The following G3BP1 variants were observed in gnomAD, a reference collection of about 807,000 sequenced individuals.
The protein encoded by G3BP1 is G3BP stress granule assembly factor 1.
In G3BP1, 35 loss-of-function variants were observed where a neutral mutation model predicts 58.6. The ratio of observed to expected loss-of-function variants is 0.60; its 90% CI spans 0.46 to 0.79. The LOEUF is 0.79. G3BP1 is among the 30% of genes least tolerant of loss of function. G3BP1 has a pLI of 0.00. For synonymous variants in G3BP1, 191 were observed against 195.4 expected (o/e 0.98, Z 0.19); for missense variants, 523 against 580.8 (o/e 0.90, Z 1.02).
intron 1 of G3BP1, among the ~76,000 whole-genome samples, chr5:151,779,139 T>G (rs1762424894): frequency 6.6e-6 from 1 of 150,636 alleles, no homozygotes; most frequent in Non-Finnish European, 1.5e-5. Context: ...CTTTTCATTC[T>G]TTTGATGGTG....
chr5:151,772,402 C>T (rs896735225), intron 1 of G3BP1: 1 of 152,322 alleles, frequency 6.6e-6, no homozygotes, highest in African/African-American at 2.4e-5. Context: ...GCCCGCGGCA[C>T]CTTTTCCTCC....
chr5:151,791,295 C>T (rs1244629599), intron 4 of G3BP1: 1 of 378,272 alleles, frequency 2.6e-6, no homozygotes, highest in Non-Finnish European at 4.9e-6. Flanking sequence ...TAATTCTCTT[C>T]CATTCTGTAG....
In G3BP1 at chr5:151,804,440, A is replaced by G. The variant is rs1236533242; in HGVS notation, c.*349A>G. ...CAAAGGAATGTCTTGCATATTACTG[A>G]CATTTGGTATGTTTCATTCATTGGA... On this transcript the variant is annotated 3_prime_UTR_variant, in exon 12 of 12. Transcript: ENST00000356245. 2 of 185,624 alleles carry G rather than the reference A, an allele frequency of 1.1e-5. No homozygotes were observed. The highest frequency in any genetic ancestry group is 2.2e-5 in the Non-Finnish European group (2 of 91,560). The allele number at this position is 185,624 out of a possible 1,614,324, so 11.5% of individuals were successfully genotyped here.
intron 7 of G3BP1, among the ~76,000 whole-genome samples, chr5:151,798,584 A>T (rs565890134): frequency 6.6e-6 from 1 of 152,226 alleles, no homozygotes; most frequent in Non-Finnish European, 1.5e-5. Context: ...TGTTTGTACA[A>T]TGGATTGGAT....
Position 151,790,395 on chromosome 5 carries a change from CGGACAGAAAGTA to C in G3BP1, c.169_177+3del, listed in dbSNP as rs1762630658. The C allele has an allele frequency of 6.4e-7, 1 of 1,570,002 alleles. No individual in the cohort carries two copies. The highest frequency in any genetic ancestry group is 8.7e-7 in the Non-Finnish European group (1 of 1,153,568). On this transcript the variant is annotated splice_donor_variant and splice_donor_region_variant and coding_sequence_variant and intron_variant, in exon 3 of 12. Transcript: ENST00000356245. LOFTEE classifies it high-confidence loss of function. ...ATGGAAAGCCAGCAGATGCAGTCTACGGACAGAAAGTAAGCATTTCAAGCCTTATTTAGGCTG... is the reference window on the plus strand; with the variant it reads ...ATGGAAAGCCAGCAGATGCAGTCTACAGCATTTCAAGCCTTATTTAGGCTG...
chr5:151,794,558 T>C (rs1762717842), intron 5 of G3BP1, among the ~76,000 whole-genome samples: 1 of 152,222 alleles, frequency 6.6e-6, no homozygotes. Context: ...AGGTGATACT[T>C]CTACTGCAGT....
In G3BP1 at chr5:151,786,696, G is replaced by GC; in HGVS notation, c.80dup (p.Asp28ArgfsTer5). 1 of 1,608,448 alleles carries GC rather than the reference G, an allele frequency of 6.2e-7. No homozygotes were observed. The highest frequency in any genetic ancestry group is 8.5e-7 in the Non-Finnish European group (1 of 1,174,902). On this transcript the variant is annotated frameshift_variant, in exon 2 of 12. Coordinates refer to ENST00000356245, the MANE Select transcript of G3BP1 (RefSeq NM_005754.3). LOFTEE classifies it high-confidence loss of function. ...ACAGTATTACACACTGCTGAACCAG[G>GC]CCCCAGACATGCTGCATAGGTAAGA...
chr5:151,783,333 A>T (rs1762503418), intron 1 of G3BP1, among the ~76,000 whole-genome samples: 1 of 152,026 alleles, frequency 6.6e-6, no homozygotes, highest in Admixed American at 6.5e-5. Context: ...TTTAGGATTT[A>T]TTACACTATA....
At chr5:151,774,059 A>G (rs757983204) in intron 1 of G3BP1, among the ~76,000 whole-genome samples, 8 of 152,230 alleles carry the variant, frequency 5.3e-5, no homozygotes, top group Admixed American at 1.3e-4. Context: ...CTAACTGATT[A>G]CTTGTGCATT....
Position 151,800,887 on chromosome 5 carries a change from TTGA to T in G3BP1, c.1194+20_1194+22del. 1 of 1,238,030 alleles carries T rather than the reference TTGA, an allele frequency of 8.1e-7. No homozygotes were observed. The highest frequency in any genetic ancestry group is 1.2e-6 in the Non-Finnish European group (1 of 857,776). 76.7% of individuals were successfully genotyped at this position (1,238,030 alleles called of 1,614,324 possible). On this transcript the variant is annotated intron_variant, in intron 11 of 11. Coordinates refer to ENST00000356245, the MANE Select transcript of G3BP1 (RefSeq NM_005754.3). ...GCAACAGGGTAAGCAGCTTTTTGTCTTGATTTTTTTTTTTTTTTTTTAAAAAGG... is the reference window on the plus strand; with the variant it reads ...GCAACAGGGTAAGCAGCTTTTTGTCTTTTTTTTTTTTTTTTTTTAAAAAGG...
chr5:151,802,470 G>GT (rs555790446), intron 11 of G3BP1, among the ~76,000 whole-genome samples: 9 of 152,148 alleles, frequency 5.9e-5, no homozygotes, highest in Non-Finnish European at 1.3e-4. Flanking sequence ...GTAGCTTACC[G>GT]TTTCAAAGCT....
chr5:151,778,028 G>C (rs1424792603), intron 1 of G3BP1, among the ~76,000 whole-genome samples: 3 of 152,096 alleles, frequency 2.0e-5, no homozygotes, highest in African/African-American at 7.3e-5. Context: ...TGTGTTTCCA[G>C]CTTTTTGACT....
rs1386273054 is a variant in G3BP1, at chr5:151,799,323, T to G, written c.843+10T>G. 1 of 1,348,954 alleles carries G rather than the reference T, an allele frequency of 7.4e-7. No individual in the cohort carries two copies. The highest frequency in any genetic ancestry group is 1.4e-5 in the African/African-American group (1 of 69,892). 83.6% of individuals were successfully genotyped at this position (1,348,954 alleles called of 1,614,324 possible). On this transcript the variant is annotated intron_variant, in intron 8 of 11. Transcript: ENST00000356245. ...AGTACCAGCTTCACAGGTAAGGTCC[T>G]AATAAAACTTGTACATTAGGCAAAT...
At chr5:151,793,184 C>T (rs1260962497) in intron 4 of G3BP1, among the ~76,000 whole-genome samples, 2 of 152,168 alleles carry the variant, frequency 1.3e-5, no homozygotes, top group East Asian at 1.9e-4. Context: ...TCTGGGCTTA[C>T]TGCACCCTCC....
At chr5:151,784,760 A>G (rs1454436524) in intron 1 of G3BP1, among the ~76,000 whole-genome samples, 2 of 152,198 alleles carry the variant, frequency 1.3e-5, no homozygotes, top group East Asian at 1.9e-4. Context: ...AAGTACTGCT[A>G]CTGTTTCCCT....
In G3BP1 at chr5:151,804,099, T is replaced by G; in HGVS notation, c.*8T>G. On this transcript the variant is annotated 3_prime_UTR_variant, in exon 12 of 12. Coordinates refer to ENST00000356245, the MANE Select transcript of G3BP1 (RefSeq NM_005754.3). The stretch of plus-strand genomic sequence containing the variant: ...CTTGCGCCACGGCAGTGAATCTTCA[T>G]GGATCTTCATGCAGCCATACAAACC... 1 of 1,572,110 alleles carries G rather than the reference T, an allele frequency of 6.4e-7. No individual in the cohort carries two copies. The highest frequency in any genetic ancestry group is 8.7e-7 in the Non-Finnish European group (1 of 1,153,050).
chr5:151,784,597 C>T (rs1007232415), intron 1 of G3BP1, among the ~76,000 whole-genome samples: 2 of 152,092 alleles, frequency 1.3e-5, no homozygotes, highest in South Asian at 4.1e-4. Context: ...ATTCTTTATT[C>T]AGTATGTTTT....
Position 151,786,706 on chromosome 5 carries a change from TG to T in G3BP1, c.87del (p.Met29IlefsTer37). On this transcript the variant is annotated frameshift_variant, in exon 2 of 12. Coordinates refer to ENST00000356245, the MANE Select transcript of G3BP1 (RefSeq NM_005754.3). LOFTEE classifies it high-confidence loss of function. ...YYTLLNQAPD[M>X]LHRFYGKNSS... ...ACACTGCTGAACCAGGCCCCAGACA[TG>T]CTGCATAGGTAAGACATTTTTCTCC... is the stretch of plus-strand genomic sequence containing the variant. 1 of 1,600,314 alleles carries T rather than the reference TG, an allele frequency of 6.2e-7. No individual in the cohort carries two copies. The highest frequency in any genetic ancestry group is 8.6e-7 in the Non-Finnish European group (1 of 1,167,398).
rs1689113905 is a variant in G3BP1, at chr5:151,804,391, T to G, written c.*300T>G. The G allele has an allele frequency of 7.8e-6, 2 of 257,298 alleles. No homozygotes were observed. The highest frequency in any genetic ancestry group is 2.2e-5 in the African/African-American group (1 of 45,478). The allele number at this position is 257,298 out of a possible 1,614,324, so 15.9% of individuals were successfully genotyped here. A position where few individuals can be genotyped will look rare whatever the true frequency, so the allele number is the denominator to read the frequency against. ...CTTTGCATATACAGACTGGATTTTT[T>G]TTTTTTTTTTACAGCCATTTCCCCA... On this transcript the variant is annotated 3_prime_UTR_variant, in exon 12 of 12. Coordinates refer to ENST00000356245, the MANE Select transcript of G3BP1 (RefSeq NM_005754.3).
Sources: gnomAD v4.1 joint callset for allele counts (sites outside exome capture counted in the v4.1 genomes callset) on GRCh38, gnomAD v4.1.1 for gene constraint, MANE v1.5 for transcripts, NCBI Gene and HGNC (gene_info 2026-07-23, HGNC 2026-07-21) for gene names.